The following MAGI2 variants were observed in gnomAD, a reference collection of about 807,000 sequenced individuals.
The protein encoded by MAGI2 is membrane associated guanylate kinase, WW and PDZ domain containing 2, also known as membrane-associated guanylate kinase, WW and PDZ domain-containing protein 2.
A neutral mutation model predicts 133.3 loss-of-function variants in MAGI2; 35 were observed. The observed-to-expected ratio is 0.26, with a 90% CI of 0.20 to 0.35. The LOEUF is 0.35. Among genes scored for constraint, MAGI2 ranks in the 10% least tolerant of loss-of-function variants. The probability of loss-of-function intolerance (pLI) is 1.00; values close to 1 mark genes in which losing one functional copy is unlikely to be tolerated. For synonymous variants in MAGI2, 729 were observed against 710.6 expected (o/e 1.03, Z -0.41); for missense variants, 1,636 against 1,863.4 (o/e 0.88, Z 2.25).
At chr7:78,270,520 A>G (rs753355745) in intron 9 of MAGI2, among the ~76,000 whole-genome samples, 14 of 152,054 alleles carry the variant, frequency 9.2e-5, no homozygotes, top group Non-Finnish European at 1.6e-4. Flanking sequence ...TTATCTTTGT[A>G]GCAATTGTGA....
At chr7:79,440,653 T>C (rs991309108) in intron 1 of MAGI2, among the ~76,000 whole-genome samples, 1 of 152,156 alleles carries the variant, frequency 6.6e-6, no homozygotes, top group African/African-American at 2.4e-5. Flanking sequence ...GAATAAAACA[T>C]ATTTTTCCAT....
intron 2 of MAGI2, among the ~76,000 whole-genome samples, chr7:78,742,456 G>A (rs887008180): frequency 4.6e-5 from 7 of 152,162 alleles, no homozygotes; most frequent in South Asian, 4.1e-4. Flanking sequence ...CTATCCTATC[G>A]TGTTTTTATC....
intron 6 of MAGI2, among the ~76,000 whole-genome samples, chr7:78,424,662 GA>G (rs965046037): frequency 2.6e-5 from 4 of 152,172 alleles, no homozygotes; most frequent in African/African-American, 9.6e-5. Flanking sequence ...AAGACCGTGG[GA>G]ACCCACCTCT....
chr7:79,377,307 A>C (rs1170108252), intron 1 of MAGI2, among the ~76,000 whole-genome samples: 1 of 151,808 alleles, frequency 6.6e-6, no homozygotes, highest in African/African-American at 2.4e-5. Flanking sequence ...AAACTTGAAA[A>C]ATTGTAGCAC....
chr7:79,076,711 ATTCTT>A (rs1815495845), intron 1 of MAGI2, among the ~76,000 whole-genome samples: 1 of 152,202 alleles, frequency 6.6e-6, no homozygotes. Context: ...GCAAAATATA[ATTCTT>A]TTCGACCCCT....
intron 1 of MAGI2, among the ~76,000 whole-genome samples, chr7:79,184,253 A>AAT (rs1232973270): frequency 1.3e-5 from 2 of 151,450 alleles, no homozygotes; most frequent in African/African-American, 2.4e-5. Context: ...GTATCCCCAA[A>AAT]ATATATATAT....
At chr7:79,028,029 T>C (rs9692415) in intron 1 of MAGI2, among the ~76,000 whole-genome samples, 87,847 of 150,342 alleles carry the variant, frequency 0.58, 26,024 homozygotes, top group East Asian at 0.63. Flanking sequence ...CTGGCCAACA[T>C]GGTAAAACCC....
Position 79,345,209 on chromosome 7 carries a change from G to C in MAGI2, c.301+107811C>G, listed in dbSNP as rs117646050. On this transcript the variant is annotated intron_variant, in intron 1 of 21. Coordinates refer to ENST00000354212, the MANE Select transcript of MAGI2 (RefSeq NM_012301.4). Reference sequence around the variant, plus strand: ...GCCCCAATCCAATATAACTCATCATGTCCTTATGAAAACGAGAAATGTGGG... The same window carrying C: ...GCCCCAATCCAATATAACTCATCATCTCCTTATGAAAACGAGAAATGTGGG... Among the ~76,000 whole-genome samples the C allele has an allele frequency of 6.6e-4, 101 of 152,162 alleles. No homozygotes were observed. The East Asian group carries it at 0.013, about 19-fold the overall frequency.
chr7:78,448,362 A>G (rs1349384183), intron 6 of MAGI2, among the ~76,000 whole-genome samples: 2 of 152,042 alleles, frequency 1.3e-5, no homozygotes, highest in East Asian at 1.9e-4. Flanking sequence ...ACTATTTTCC[A>G]TAATGGATAG....
intron 3 of MAGI2, among the ~76,000 whole-genome samples, chr7:78,579,337 T>C (rs925091286): frequency 2.6e-5 from 4 of 152,176 alleles, no homozygotes; most frequent in African/African-American, 9.7e-5. Flanking sequence ...ATGAGTAGTG[T>C]GGGAGACCAG....
intron 3 of MAGI2, among the ~76,000 whole-genome samples, chr7:78,536,049 T>C (rs1012181283): frequency 2.0e-5 from 3 of 150,956 alleles, no homozygotes; most frequent in African/African-American, 7.3e-5. Flanking sequence ...GGAGACTGAT[T>C]TGGGTAATAA....
chr7:78,755,634 T>C (rs73365889), intron 2 of MAGI2, among the ~76,000 whole-genome samples: 4,332 of 152,316 alleles, frequency 0.028, 218 homozygotes, highest in African/African-American at 0.098. Context: ...GAAATTCAAC[T>C]GGTGATTTGA....
rs548340686 is a variant in MAGI2, at chr7:78,888,563, C to T, written c.418+118527G>A. Among the ~76,000 whole-genome samples the T allele has an allele frequency of 6.6e-5, 10 of 152,324 alleles. No homozygotes were observed. The South Asian group carries it at 2.1e-3, about 32-fold the overall frequency. On this transcript the variant is annotated intron_variant, in intron 2 of 21. Transcript: ENST00000354212. Reference sequence around the variant, plus strand: ...AGGAACGATCAGACAGCAACATTTGCTGTTCACCAATATCCGCTGTTCTTC... The same window carrying T: ...AGGAACGATCAGACAGCAACATTTGTTGTTCACCAATATCCGCTGTTCTTC...
intron 9 of MAGI2, among the ~76,000 whole-genome samples, chr7:78,262,776 C>A (rs539159372): frequency 5.4e-4 from 82 of 152,290 alleles, no homozygotes; most frequent in South Asian, 1.2e-3. Context: ...AATTCTAAGA[C>A]AAAGGCCCTT....
chr7:78,181,448 T>A (rs1827180451), intron 13 of MAGI2, among the ~76,000 whole-genome samples: 3 of 152,228 alleles, frequency 2.0e-5, no homozygotes, highest in Non-Finnish European at 2.9e-5. Flanking sequence ...CTCAGCACTT[T>A]TTGCAGAACT....
At chr7:78,966,835 CTTTT>C (rs34597215) in intron 2 of MAGI2, among the ~76,000 whole-genome samples, 1 of 129,078 alleles carries the variant, frequency 7.7e-6, no homozygotes, top group Non-Finnish European at 1.7e-5. Flanking sequence ...GCCTACACGT[CTTTT>C]TTTTTTTTTT....
chr7:79,137,311 A>C (rs1191134433), intron 1 of MAGI2, among the ~76,000 whole-genome samples: 1 of 152,136 alleles, frequency 6.6e-6, no homozygotes, highest in African/African-American at 2.4e-5. Context: ...TGTTTTCATC[A>C]GGCATGTAAC....
At chr7:79,406,354 A>G (rs1445794196) in intron 1 of MAGI2, among the ~76,000 whole-genome samples, 3 of 152,136 alleles carry the variant, frequency 2.0e-5, no homozygotes, top group Non-Finnish European at 4.4e-5. Context: ...TATTTCAATC[A>G]TAAATGTAAC....
chr7:78,147,834 CA>C (rs958849426), intron 16 of MAGI2, among the ~76,000 whole-genome samples: 71 of 151,354 alleles, frequency 4.7e-4, no homozygotes, highest in African/African-American at 1.3e-3. Context: ...CCATCTCTAC[CA>C]AAAAAAACCA....
Sources: gnomAD v4.1 joint callset for allele counts (sites outside exome capture counted in the v4.1 genomes callset) on GRCh38, gnomAD v4.1.1 for gene constraint, MANE v1.5 for transcripts, NCBI Gene and HGNC (gene_info 2026-07-23, HGNC 2026-07-21) for gene names.